The following TNS3 variants were observed in gnomAD, a reference collection of about 807,000 sequenced individuals.
The protein encoded by TNS3 is tensin-3.
TNS3 carries 45 observed loss-of-function variants against 140.9 expected under a neutral mutation model. The observed-to-expected ratio is 0.32, with a 90% CI of 0.25 to 0.41. The LOEUF (loss-of-function observed/expected upper bound fraction) is 0.41, where lower values mean the gene tolerates loss of function less well. TNS3 is among the 10% of genes least tolerant of loss of function. The probability of loss-of-function intolerance (pLI) is 1.00; values close to 1 mark genes in which losing one functional copy is unlikely to be tolerated. For missense variants in TNS3, 1,716 were observed against 1,906.7 expected (o/e 0.90, Z 1.86); for synonymous variants, 815 against 788.4 (o/e 1.03, Z -0.56).
In TNS3 at chr7:47,378,559, G is replaced by T. The variant is rs984251469; in HGVS notation, c.1025-8938C>A. ...CATCCCATACTTTGTTTGTTTCCTC[G>T]GTGACTGACAGCAATGATGGCAAAA... On this transcript the variant is annotated intron_variant, in intron 16 of 30. Coordinates refer to ENST00000311160, the MANE Select transcript of TNS3 (RefSeq NM_022748.12). 2.0e-5 allele frequency among the ~76,000 whole-genome samples: 3 copies of T among 152,060 alleles called. No homozygotes were observed. In the East Asian group the frequency reaches 5.8e-4, roughly 29 times the overall value.
At chr7:47,531,974 G>C (rs1487976399) in intron 1 of TNS3, among the ~76,000 whole-genome samples, 1 of 152,192 alleles carries the variant, frequency 6.6e-6, no homozygotes, top group Non-Finnish European at 1.5e-5. Flanking sequence ...GGGAAAAGCA[G>C]GAGCTCCCTG....
intron 9 of TNS3, among the ~76,000 whole-genome samples, chr7:47,426,469 T>C (rs1260486534): frequency 5.3e-5 from 8 of 152,222 alleles, no homozygotes; most frequent in Admixed American, 3.9e-4. Context: ...GCCCATTTAA[T>C]TGAAAGGCAC....
At chr7:47,370,434 C>T (rs988227721) in intron 16 of TNS3, among the ~76,000 whole-genome samples, 7 of 152,354 alleles carry the variant, frequency 4.6e-5, no homozygotes, top group Admixed American at 3.3e-4. Context: ...GGATCACAGA[C>T]ACTTGAGGCT....
intron 2 of TNS3, among the ~76,000 whole-genome samples, chr7:47,523,404 A>C (rs1025370433): frequency 5.9e-5 from 9 of 152,262 alleles, no homozygotes; most frequent in Admixed American, 5.2e-4. Flanking sequence ...AGAAAGAAGA[A>C]GACAGACACT....
At chr7:47,360,925 C>T (rs571422717) in intron 17 of TNS3, among the ~76,000 whole-genome samples, 16 of 152,226 alleles carry the variant, frequency 1.1e-4, no homozygotes, top group South Asian at 4.2e-4. Flanking sequence ...GTCCCTAGCA[C>T]GGATCTGAAA....
At chr7:47,386,615 A>G (rs1327365834) in intron 16 of TNS3, among the ~76,000 whole-genome samples, 10 of 152,184 alleles carry the variant, frequency 6.6e-5, no homozygotes, top group Admixed American at 6.5e-4. Context: ...CTCTAGGTAT[A>G]TGGCTGTGCT....
chr7:47,524,694 C>T (rs370773760), intron 2 of TNS3, among the ~76,000 whole-genome samples: 67 of 148,658 alleles, frequency 4.5e-4, no homozygotes, highest in African/African-American at 1.7e-3. Context: ...CCCAGCTACT[C>T]GGGAGGCTGA....
chr7:47,294,481 C>T (rs71545985), intron 24 of TNS3, among the ~76,000 whole-genome samples: 249 of 152,290 alleles, frequency 1.6e-3, no homozygotes, highest in Middle Eastern at 6.8e-3. Context: ...AACAGCACAA[C>T]CAAAAGAACA....
In TNS3 at chr7:47,302,977, C is replaced by G. The variant is rs775208530; in HGVS notation, c.3430G>C (p.Ala1144Pro). 23 of 1,610,748 alleles carry G rather than the reference C, an allele frequency of 1.4e-5. No individual in the cohort carries two copies. Among genetic ancestry groups the G allele is most frequent in the Non-Finnish European group, 2.0e-5 (23 of 1,177,742 alleles). Residue 1144 changes from alanine to proline, a missense_variant, in exon 22 of 31, where the codon GCT (alanine) becomes CCT (proline). Coordinates refer to ENST00000311160, the MANE Select transcript of TNS3 (RefSeq NM_022748.12). Reference protein sequence around the residue: ...FPNVLPDFSKASEAASPLPDS... With the variant: ...FPNVLPDFSKPSEAASPLPDS... ...GGCAGAGGTGAGGCCGCTTCTGAAG[C>G]CTTGGAAAAGTCGGGAAGGACATTT...
chr7:47,359,532 T>G (rs1790199531), intron 17 of TNS3, among the ~76,000 whole-genome samples: 1 of 152,222 alleles, frequency 6.6e-6, no homozygotes, highest in African/African-American at 2.4e-5. Flanking sequence ...TAAAAATGAT[T>G]AAAATGCTAA....
chr7:47,567,683 CAAAAAAAAAA>C (rs57071957), intron 1 of TNS3, among the ~76,000 whole-genome samples: 1 of 85,060 alleles, frequency 1.2e-5, no homozygotes, highest in Non-Finnish European at 2.4e-5. Context: ...GACTCGGTCT[CAAAAAAAAAA>C]AAAAAAAAAA....
rs1584286851 is a variant in TNS3 at position 47,275,262 on chromosome 7, T to C, written c.*2814A>G. The C allele has an allele frequency of 6.5e-6, 1 of 152,718 alleles. No individual in the cohort carries two copies. Among genetic ancestry groups the C allele is most frequent in the Admixed American group, 6.5e-5 (1 of 15,288 alleles). 9.5% of individuals were successfully genotyped at this position (152,718 alleles called of 1,614,324 possible). ...AACATTCATTTACATACTGGATATA[T>C]TCTTTACAGTATCAGAAAAGTAAAA... On this transcript the variant is annotated 3_prime_UTR_variant, in exon 31 of 31. Transcript: ENST00000311160.
chr7:47,488,784 TG>T (rs1218577863), intron 3 of TNS3, among the ~76,000 whole-genome samples: 2 of 151,692 alleles, frequency 1.3e-5, no homozygotes, highest in Non-Finnish European at 2.9e-5. Context: ...CAACAAGAGC[TG>T]GGTCCCCCAG....
At chr7:47,429,493 A>G (rs992615465) in intron 8 of TNS3, among the ~76,000 whole-genome samples, 1 of 151,752 alleles carries the variant, frequency 6.6e-6, no homozygotes, top group African/African-American at 2.4e-5. Context: ...TCAGCCTCCC[A>G]AGTAGCTGGG....
chr7:47,442,097 C>T lies in TNS3; in HGVS notation c.-75-42G>A, dbSNP rs111531020. The T allele has an allele frequency of 1.0e-3, 1,276 of 1,224,940 alleles. 8 individuals are homozygous for T. The African/African-American group carries it at 0.019, about 18-fold the overall frequency. The allele number at this position is 1,224,940 out of a possible 1,614,324, so 75.9% of individuals were successfully genotyped here. ...AAGGGTCATTTTGAAGTTTCCTTTC[C>T]TGCCAGTCTACATGACACAGACACC... On this transcript the variant is annotated intron_variant, in intron 4 of 30. Transcript: ENST00000311160.
intron 16 of TNS3, among the ~76,000 whole-genome samples, chr7:47,390,123 G>C (rs929868770): frequency 6.6e-6 from 1 of 152,246 alleles, no homozygotes; most frequent in African/African-American, 2.4e-5. Flanking sequence ...GACCGAGGCT[G>C]CAGACACAAG....
At chr7:47,279,901 C>T in intron 30 of TNS3, 1 of 530,514 alleles carries the variant, frequency 1.9e-6, no homozygotes, top group Non-Finnish European at 3.4e-6. Context: ...AAAGGCTGTG[C>T]CATCCATCTC....
rs1023868210 is a variant in TNS3 at position 47,547,089 on chromosome 7, C to T, written c.-264-17942G>A. Among the ~76,000 whole-genome samples, 7 of 152,198 alleles carry T rather than the reference C, an allele frequency of 4.6e-5. No individual in the cohort carries two copies. The South Asian group carries it at 1.2e-3, about 27-fold the overall frequency. On this transcript the variant is annotated intron_variant, in intron 1 of 30. Transcript: ENST00000311160. ...GTTCATCTGTCCATTCATTCATTCCCGAGTTTATAGCCTAGGAGGGAGCAG... is the reference window on the plus strand; with the variant it reads ...GTTCATCTGTCCATTCATTCATTCCTGAGTTTATAGCCTAGGAGGGAGCAG...
intron 3 of TNS3, among the ~76,000 whole-genome samples, chr7:47,495,792 T>C (rs997293074): frequency 2.0e-5 from 3 of 152,224 alleles, no homozygotes; most frequent in Admixed American, 6.5e-5. Context: ...TTTAAAAAGA[T>C]GCACTGCATA....
Sources: gnomAD v4.1 joint callset for allele counts (sites outside exome capture counted in the v4.1 genomes callset) on GRCh38, gnomAD v4.1.1 for gene constraint, MANE v1.5 for transcripts, NCBI Gene and HGNC (gene_info 2026-07-23, HGNC 2026-07-21) for gene names.